Variants in EIF2AK4 observed in about 807,000 individuals in gnomAD.
EIF2AK4 encodes the protein eIF-2-alpha kinase GCN2.
EIF2AK4 carries 139 observed loss-of-function variants against 211.1 expected under a neutral mutation model. The observed-to-expected ratio is 0.66, with a 90% CI of 0.57 to 0.76. The LOEUF (loss-of-function observed/expected upper bound fraction) is 0.76. Ranked by LOEUF, EIF2AK4 falls within the 30% of genes least tolerant of loss-of-function variation. The probability of loss-of-function intolerance (pLI) is 0.00; values close to 1 mark genes in which losing one functional copy is unlikely to be tolerated. For missense variants in EIF2AK4, 1,664 were observed against 2,043.8 expected, an observed-to-expected ratio of 0.81 and a Z score of 3.58; for synonymous variants, 710 against 751.3, an observed-to-expected ratio of 0.94 and a Z score of 0.90.
At chr15:40,000,656 C>A (rs2035077446) in intron 20 of EIF2AK4, among the ~76,000 whole-genome samples, 1 of 152,098 alleles carries the variant, frequency 6.6e-6, no homozygotes, top group Non-Finnish European at 1.5e-5. Context: ...TTTGTTTTAT[C>A]TTTTTACATC....
At chr15:40,006,098 T>G (rs1345971146) in intron 23 of EIF2AK4, among the ~76,000 whole-genome samples, 1 of 152,212 alleles carries the variant, frequency 6.6e-6, no homozygotes. Context: ...AATACACTCA[T>G]TTTGACCATA....
At chr15:39,961,957 G>A (rs2034479042) in intron 7 of EIF2AK4, 58 bp downstream of exon 7, 2 of 1,279,428 alleles carry the variant, frequency 1.6e-6, no homozygotes, top group Non-Finnish European at 1.1e-6. Flanking sequence ...TAATCACAAA[G>A]GAATGGGATG....
intron 9 of EIF2AK4, among the ~76,000 whole-genome samples, chr15:39,969,078 TATG>T (rs1325801851): frequency 6.6e-6 from 1 of 152,002 alleles, no homozygotes; most frequent in East Asian, 1.9e-4. Context: ...AAATGACAAA[TATG>T]ATGATAGAAT....
Position 39,955,643 on chromosome 15 carries a change from G to C in EIF2AK4, c.618G>C (p.Leu206Phe), listed in dbSNP as rs1484058258. 2.1e-5 allele frequency: 33 copies of C among 1,607,882 alleles called. No individual in the cohort carries two copies. In the Middle Eastern group the frequency reaches 6.6e-4, roughly 32 times the overall value. The stretch of plus-strand genomic sequence containing the variant: ...AGGAACGTTTGGAAATTGCTAGTTT[G>C]TCAAACCAAGATCATACCTCTAAGA... ...AKQERLEIAS[L>F]SNQDHTSKKD... The change falls in exon 6 of 39, where the codon TTG becomes TTC. Residue 206 changes from leucine (L) to phenylalanine (F), a missense_variant. Leu to Phe is a conservative substitution (Grantham distance 22). Coordinates refer to ENST00000263791, the MANE Select transcript of EIF2AK4 (RefSeq NM_001013703.4).
chr15:40,001,484 G>C (rs2035089928), intron 21 of EIF2AK4, among the ~76,000 whole-genome samples: 2 of 152,086 alleles, frequency 1.3e-5, no homozygotes, highest in Admixed American at 1.3e-4. Flanking sequence ...ACAAAAATTA[G>C]CCGTGCGTGG....
chr15:39,992,740 A>G (rs1188203838), intron 17 of EIF2AK4, 29 bp from the exon 18 acceptor site: 1 of 1,598,200 alleles, frequency 6.3e-7, no homozygotes, highest in African/African-American at 1.3e-5. Flanking sequence ...TATTATTGGG[A>G]CGTTTTCCCT....
chr15:39,965,723 T>C lies in EIF2AK4; in HGVS notation c.897T>C (p.Ala299=), dbSNP rs1392369238. ...DEQLGKLVYN[A]LETATGGFVL... is the part of the protein sequence containing the mutation. ...AACTTGGAAAATTAGTCTACAATGC[T>C]TTGGAAACAGCCACTGGTGGCTTTG... The change falls in exon 8 of 39, where the codon GCT becomes GCC. Residue 299 remains alanine (A), a synonymous_variant. Coordinates refer to ENST00000263791, the MANE Select transcript of EIF2AK4 (RefSeq NM_001013703.4). 1 of 1,614,084 alleles carries C rather than the reference T, an allele frequency of 6.2e-7. No homozygotes were observed. Among genetic ancestry groups the C allele is most frequent in the Non-Finnish European group, 8.5e-7 (1 of 1,179,976 alleles).
chr15:39,959,176 G>A (rs1454289937), intron 6 of EIF2AK4, among the ~76,000 whole-genome samples: 1 of 152,168 alleles, frequency 6.6e-6, no homozygotes, highest in Non-Finnish European at 1.5e-5. Flanking sequence ...ATGATGATGA[G>A]ACCAGAGTCA....
intron 3 of EIF2AK4, among the ~76,000 whole-genome samples, chr15:39,947,124 T>G (rs1484435049): frequency 1.3e-5 from 2 of 152,236 alleles, no homozygotes; most frequent in Admixed American, 1.3e-4. Flanking sequence ...GAATGGGTGT[T>G]AAACATGGGA....
intron 3 of EIF2AK4, 21 bp from the exon 4 acceptor site, chr15:39,949,095 G>T: frequency 6.2e-7 from 1 of 1,604,336 alleles, no homozygotes; most frequent in South Asian, 1.1e-5. Flanking sequence ...ATTTGTGGTT[G>T]ATTTTTGTTT....
intron 3 of EIF2AK4, among the ~76,000 whole-genome samples, chr15:39,948,800 A>G (rs920124739): frequency 1.3e-5 from 2 of 152,236 alleles, no homozygotes; most frequent in Non-Finnish European, 2.9e-5. Flanking sequence ...ATTTATTTCT[A>G]AAGAAATATA....
At chr15:39,982,573 G>T (rs1328253877) in intron 13 of EIF2AK4, among the ~76,000 whole-genome samples, 1 of 151,446 alleles carries the variant, frequency 6.6e-6, no homozygotes, top group Non-Finnish European at 1.5e-5. Flanking sequence ...TTACACTTAA[G>T]TTCTGGGATA....
rs190495196 is a variant in EIF2AK4 at position 39,987,843 on chromosome 15, G to T, written c.2404-140G>T. The T allele has an allele frequency of 2.9e-5, 25 of 864,444 alleles. 1 individual carries two copies. In the Admixed American group the frequency reaches 7.0e-4, roughly 24 times the overall value. 53.5% of individuals were successfully genotyped at this position (864,444 alleles called of 1,614,324 possible). The stretch of plus-strand genomic sequence containing the variant: ...TTTTAATACTGTTGGTTTCTTTTTC[G>T]TGTAGAAAACCAAGTCTTTCCCCTA... On this transcript the variant is annotated intron_variant, in intron 14 of 38. Coordinates refer to ENST00000263791, the MANE Select transcript of EIF2AK4 (RefSeq NM_001013703.4).
intron 18 of EIF2AK4, among the ~76,000 whole-genome samples, chr15:39,994,719 G>T (rs1044460740): frequency 6.6e-6 from 1 of 152,208 alleles, no homozygotes; most frequent in Non-Finnish European, 1.5e-5. Context: ...CTGACAGGGA[G>T]CATTGGACAA....
At chr15:39,997,207 A>C in intron 19 of EIF2AK4, 142 bp downstream of exon 19, 1 of 657,336 alleles carries the variant, frequency 1.5e-6, no homozygotes, top group Non-Finnish European at 2.7e-6. Context: ...TCATTTATTC[A>C]GATATGCAAG....
At chr15:40,015,856 CTA>C (rs1446755369) in intron 27 of EIF2AK4, among the ~76,000 whole-genome samples, 1 of 152,078 alleles carries the variant, frequency 6.6e-6, no homozygotes, top group Non-Finnish European at 1.5e-5. Context: ...GGCTTTATGA[CTA>C]TGGTTGTTTC....
chr15:39,941,871 A>G (rs1566980104), intron 2 of EIF2AK4, among the ~76,000 whole-genome samples: 1 of 152,240 alleles, frequency 6.6e-6, no homozygotes, highest in Non-Finnish European at 1.5e-5. Context: ...GTTAAGAATC[A>G]TGGCACTAGA....
intron 12 of EIF2AK4, 29 bp from the exon 13 acceptor site, chr15:39,978,049 C>T: frequency 1.3e-6 from 2 of 1,508,974 alleles, no homozygotes; most frequent in Non-Finnish European, 1.8e-6. Context: ...GATTTCTGTT[C>T]CTTTAGTATT....
At chr15:39,962,523 A>G (rs1353457186) in intron 7 of EIF2AK4, among the ~76,000 whole-genome samples, 2 of 152,162 alleles carry the variant, frequency 1.3e-5, no homozygotes, top group African/African-American at 2.4e-5. Context: ...CAGTGGCACA[A>G]TCATAGCTCA....
Sources: gnomAD v4.1 joint callset for allele counts (sites outside exome capture counted in the v4.1 genomes callset) on GRCh38, gnomAD v4.1.1 for gene constraint, MANE v1.5 for transcripts, NCBI Gene and HGNC (gene_info 2026-07-23, HGNC 2026-07-21) for gene names.